The following MYO19 variants were observed in gnomAD, a reference collection of about 807,000 sequenced individuals.
MYO19 encodes the protein unconventional myosin-XIX.
In MYO19, 132 loss-of-function variants were observed where a neutral mutation model predicts 129.2. That is an observed-to-expected ratio of 1.02 (90% CI 0.89 to 1.18). The LOEUF (loss-of-function observed/expected upper bound fraction) is 1.18, where lower values mean the gene tolerates loss of function less well. Among genes scored for constraint, MYO19 ranks in the 50% most tolerant of loss-of-function variants. MYO19 has a pLI of 0.00. For missense variants in MYO19, 1,210 were observed against 1,216.7 expected, an observed-to-expected ratio of 0.99 and a Z score of 0.08; for synonymous variants, 531 against 477.2, an observed-to-expected ratio of 1.11 and a Z score of -1.47.
At chr17:36,543,886 C>CA (rs1461485522), upstream of MYO19, among the ~76,000 whole-genome samples, 6 of 152,016 alleles carry the variant, frequency 3.9e-5, no homozygotes, top group African/African-American at 1.5e-4. Context: ...CTCGGCCTCC[C>CA]AAAGTGCTGG....
In MYO19 at chr17:36,507,048, T is replaced by G. The variant is rs1167740539; in HGVS notation, c.1559A>C (p.Lys520Thr). ...AATGAAGCTGGGCTCCCGGCTGAGCTTATTGTGGCCCAGGCAGGGGCTGCC... is the reference window on the plus strand; with the variant it reads ...AATGAAGCTGGGCTCCCGGCTGAGCGTATTGTGGCCCAGGCAGGGGCTGCC... ...LAGSPCLGHN[K>T]LSREPSFIVV... Residue 520 changes from lysine to threonine, a missense_variant, in exon 17 of 26, where the codon AAG (lysine) becomes ACG (threonine). By Grantham distance (78) the Lys-to-Thr change is moderately conservative. Transcript: ENST00000614623. 6.2e-7 allele frequency: 1 copy of G among 1,613,564 alleles called. No individual in the cohort carries two copies. Among genetic ancestry groups the G allele is most frequent in the African/African-American group, 1.3e-5 (1 of 74,922 alleles).
At chr17:36,541,073 G>A (rs952968960) in intron 2 of MYO19, among the ~76,000 whole-genome samples, 4 of 151,426 alleles carry the variant, frequency 2.6e-5, no homozygotes, top group East Asian at 1.9e-4. Context: ...TCTGCCTCCC[G>A]AGTAGCTGGG....
chr17:36,505,020 T>TC, intron 19 of MYO19: 1 of 630,110 alleles, frequency 1.6e-6, no homozygotes, highest in East Asian at 3.0e-5. Context: ...AGACACCCAT[T>TC]CCTCTGGGCA....
At chr17:36,515,485 G>A (rs2072681307) in intron 7 of MYO19, among the ~76,000 whole-genome samples, 1 of 152,176 alleles carries the variant, frequency 6.6e-6, no homozygotes, top group Non-Finnish European at 1.5e-5. Flanking sequence ...ACTTTAGACA[G>A]GAAGGCACAT....
chr17:36,525,625 C>T (rs190320248), intron 5 of MYO19, among the ~76,000 whole-genome samples: 4 of 152,268 alleles, frequency 2.6e-5, no homozygotes, highest in Admixed American at 2.6e-4. Context: ...TATCCTTCTG[C>T]CTATTACTTC....
chr17:36,535,315 C>T (rs1335619174), upstream of MYO19: 2 of 150,940 alleles, frequency 1.3e-5, no homozygotes, highest in Non-Finnish European at 2.9e-5. Context: ...GTTTCCTCTC[C>T]AGGCGCTCCT....
At position 36,523,202 on chromosome 17, in the gene MYO19, C is replaced by A. The variant is rs7223177; in HGVS notation, c.414+2026G>T. Among the ~76,000 whole-genome samples, 282 of 122,354 alleles carry A rather than the reference C, an allele frequency of 2.3e-3. 1 individual carries two copies. The highest frequency in any genetic ancestry group is 0.02 in the Middle Eastern group (5 of 248). The allele number at this position is 122,354 out of a possible 152,430, so 80.3% of individuals were successfully genotyped here. On this transcript the variant is annotated intron_variant, in intron 6 of 25. Coordinates refer to ENST00000614623, the MANE Select transcript of MYO19 (RefSeq NM_001163735.2). Reference sequence around the variant, plus strand: ...TGTCTCAAAAAAAAAAAAAAAAAAACAAAAACAAAATAAAGAGAACGCTAT... The same window carrying A: ...TGTCTCAAAAAAAAAAAAAAAAAAAAAAAAACAAAATAAAGAGAACGCTAT...
intron 20 of MYO19, among the ~76,000 whole-genome samples, chr17:36,503,424 C>A (rs1052868093): frequency 1.3e-5 from 2 of 152,240 alleles, no homozygotes; most frequent in Non-Finnish European, 2.9e-5. Context: ...GCTCTCCCTG[C>A]TGCCTTGGTC....
At chr17:36,515,606 C>T (rs1195897252) in intron 7 of MYO19, among the ~76,000 whole-genome samples, 6 of 152,196 alleles carry the variant, frequency 3.9e-5, no homozygotes, top group Admixed American at 3.9e-4. Context: ...CGAGCTAAGC[C>T]ACCAGGTCTT....
chr17:36,503,821 C>G, intron 20 of MYO19, 129 bp downstream of exon 20: 1 of 728,108 alleles, frequency 1.4e-6, no homozygotes. Flanking sequence ...TCCCAGCTGA[C>G]TTCTACAGAC....
In MYO19 at chr17:36,513,151, T is replaced by C. The variant is rs987124777; in HGVS notation, c.894+278A>G. 7.1e-6 allele frequency: 10 copies of C among 1,400,354 alleles called. No individual in the cohort carries two copies. The African/African-American group carries it at 1.2e-4, about 16-fold the overall frequency. The allele number at this position is 1,400,354 out of a possible 1,614,324, so 86.7% of individuals were successfully genotyped here. On this transcript the variant is annotated intron_variant, in intron 11 of 25. Transcript: ENST00000614623. ...AGGCGGTAGCACTAGTTCTCTCTTCTGATCATGCGGTACCTTGCTCTCTGC... is the reference window on the plus strand; with the variant it reads ...AGGCGGTAGCACTAGTTCTCTCTTCCGATCATGCGGTACCTTGCTCTCTGC...
Position 36,511,399 on chromosome 17 carries a change from T to C in MYO19, c.951A>G (p.Glu317=), listed in dbSNP as rs370983667. Residue 317 remains glutamate (E), a synonymous_variant, in exon 12 of 26, where the codon GAA becomes GAG. Transcript: ENST00000614623. The stretch of plus-strand genomic sequence containing the variant: ...CATCCATCGGCTGGCAGGGCTGGGC[T>C]TCATCCTCGGAGGCAGCAAACTGGA... ...GNIQFAASED[E]AQPCQPMDDA... 411 of 1,576,476 alleles carry C rather than the reference T, an allele frequency of 2.6e-4. 1 individual carries two copies. The African/African-American group carries it at 5.0e-3, about 19-fold the overall frequency.
intron 6 of MYO19, among the ~76,000 whole-genome samples, chr17:36,521,968 T>A (rs750699229): frequency 6.9e-6 from 1 of 144,488 alleles, no homozygotes. Context: ...GAGGCGGAGG[T>A]TGCAGTGAGC....
intron 2 of MYO19, 74 bp downstream of exon 2, chr17:36,533,879 T>G (rs1031559660): frequency 2.6e-5 from 4 of 152,260 alleles, no homozygotes. Context: ...CCTCACTCTG[T>G]TTCCTCGTTT....
rs1392267616 is a variant in MYO19, at chr17:36,507,090, A to G, written c.1517T>C (p.Ile506Thr). 6.2e-7 allele frequency: 1 copy of G among 1,613,188 alleles called. No homozygotes were observed. Among genetic ancestry groups the G allele is most frequent in the Admixed American group, 1.7e-5 (1 of 60,004 alleles). ...PSSAAQLQTRIETALAGSPCL... is the reference protein window; with the variant it reads ...PSSAAQLQTRTETALAGSPCL... ...GGGGCTGCCTGCCAGGGCAGTCTCA[A>G]TGCGTGTCTGGAGCTGGGCTGCGCT... The change falls in exon 17 of 26, where the codon ATT becomes ACT. Residue 506 changes from isoleucine (I) to threonine (T), a missense_variant. Coordinates refer to ENST00000614623, the MANE Select transcript of MYO19 (RefSeq NM_001163735.2).
chr17:36,534,119 G>A lies in MYO19; in HGVS notation c.-295-15C>T, dbSNP rs1326273419. 1 of 152,302 alleles carries A rather than the reference G, an allele frequency of 6.6e-6. No homozygotes were observed. The highest frequency in any genetic ancestry group is 2.4e-5 in the African/African-American group (1 of 41,452). The allele number at this position is 152,302 out of a possible 1,614,324, so 9.4% of individuals were successfully genotyped here. On this transcript the variant is annotated splice_polypyrimidine_tract_variant and intron_variant, in intron 1 of 25. Transcript: ENST00000614623. ...GGGTGTGAACACTGTGGGCAGAAAG[G>A]AGACGGTAATGAGTAAATGGAACAC...
At chr17:36,538,079 GCATAAGAACCGAT>G (rs1190922116), upstream of MYO19, 1 of 1,614,168 alleles carries the variant, frequency 6.2e-7, no homozygotes, top group Admixed American at 1.7e-5. Context: ...GGTTATATAT[GCATAAGAACCGAT>G]CACATATCAA....
In MYO19 at chr17:36,510,801, C is replaced by T. The variant is rs745994020; in HGVS notation, c.1102G>A (p.Ala368Thr). 5.1e-5 allele frequency: 82 copies of T among 1,602,022 alleles called. No individual in the cohort carries two copies. Among genetic ancestry groups the T allele is most frequent in the East Asian group, 4.1e-4 (18 of 44,286 alleles). ...CTACGGGTGTCACACTCGGCTCGGG[C>T]GCAGGGCTTCCGGAACACCTGCTGC... is the stretch of plus-strand genomic sequence containing the variant. ...RQQQVFRKPC[A>T]RAECDTRRDC... Residue 368 changes from alanine to threonine, a missense_variant, in exon 13 of 26, where the codon GCC becomes ACC. By Grantham distance (58) the Ala-to-Thr change is moderately conservative (BLOSUM62 0). Transcript: ENST00000614623.
At position 36,511,403 on chromosome 17, in the gene MYO19, T is replaced by C. The variant is rs375581579; in HGVS notation, c.947A>G (p.Asp316Gly). Residue 316 changes from aspartate (D) to glycine (G), a missense_variant, in exon 12 of 26, where the codon GAT becomes GGT. By Grantham distance (94) the Asp-to-Gly change is moderately conservative (BLOSUM62 -1). Transcript: ENST00000614623. ...LGNIQFAASE[D>G]EAQPCQPMDD... ...CATCGGCTGGCAGGGCTGGGCTTCATCCTCGGAGGCAGCAAACTGGATATT... is the reference window on the plus strand; with the variant it reads ...CATCGGCTGGCAGGGCTGGGCTTCACCCTCGGAGGCAGCAAACTGGATATT... The C allele has an allele frequency of 6.0e-5, 95 of 1,575,952 alleles. No homozygotes were observed. In the African/African-American group the frequency reaches 1.1e-3, roughly 18 times the overall value.
Sources: gnomAD v4.1 joint callset for allele counts (sites outside exome capture counted in the v4.1 genomes callset) on GRCh38, gnomAD v4.1.1 for gene constraint, MANE v1.5 for transcripts, NCBI Gene and HGNC (gene_info 2026-07-23, HGNC 2026-07-21) for gene names.